The following MAP2K6 variants were observed in gnomAD, a reference collection of about 807,000 sequenced individuals.
MAP2K6 encodes mitogen-activated protein kinase kinase 6.
In MAP2K6, 16 loss-of-function variants were observed where a neutral mutation model predicts 53.7. That is an observed-to-expected ratio of 0.30 (90% confidence interval 0.20 to 0.45). The LOEUF is 0.45. Among genes scored for constraint, MAP2K6 ranks in the 20% least tolerant of loss-of-function variants. The pLI is 1.00. For synonymous variants in MAP2K6, 132 were observed against 143.1 expected (o/e 0.92, Z 0.55); for missense variants, 204 against 411.9 (o/e 0.50, Z 4.37).
chr17:69,445,890 TC>T (rs1302951446), intron 1 of MAP2K6, among the ~76,000 whole-genome samples: 1 of 152,226 alleles, frequency 6.6e-6, no homozygotes, highest in Non-Finnish European at 1.5e-5. Flanking sequence ...TGTGCAGGTC[TC>T]TTTTTCTTAT....
At chr17:69,460,256 C>A (rs934656215) in intron 1 of MAP2K6, among the ~76,000 whole-genome samples, 1 of 152,046 alleles carries the variant, frequency 6.6e-6, no homozygotes, top group African/African-American at 2.4e-5. Flanking sequence ...GGGAGGGTGT[C>A]ATGAAGGTGG....
chr17:69,466,429 T>C (rs1049466144), intron 1 of MAP2K6, among the ~76,000 whole-genome samples: 1 of 151,782 alleles, frequency 6.6e-6, no homozygotes, highest in Non-Finnish European at 1.5e-5. Flanking sequence ...TGCAAGAGGG[T>C]ATTCTGTATT....
intron 1 of MAP2K6, among the ~76,000 whole-genome samples, chr17:69,490,777 T>G (rs1011916436): frequency 6.6e-6 from 1 of 152,094 alleles, no homozygotes; most frequent in Admixed American, 6.6e-5. Flanking sequence ...TAGGTAGACT[T>G]GTGTCATGGG....
At chr17:69,444,246 G>A (rs528836462) in intron 1 of MAP2K6, among the ~76,000 whole-genome samples, 43 of 152,270 alleles carry the variant, frequency 2.8e-4, no homozygotes, top group African/African-American at 1.0e-3. Flanking sequence ...TGAATGGAAA[G>A]GTTGAATGGA....
intron 1 of MAP2K6, among the ~76,000 whole-genome samples, chr17:69,445,610 A>C (rs1332651985): frequency 6.6e-6 from 1 of 152,356 alleles, no homozygotes; most frequent in African/African-American, 2.4e-5. Flanking sequence ...CATGACTACC[A>C]GTTGGTGAAC....
At chr17:69,452,516 C>T (rs188093244) in intron 1 of MAP2K6, among the ~76,000 whole-genome samples, 2 of 152,130 alleles carry the variant, frequency 1.3e-5, no homozygotes, top group Non-Finnish European at 2.9e-5. Context: ...AAAGCCCTAC[C>T]TGCCTCATAG....
intron 1 of MAP2K6, among the ~76,000 whole-genome samples, chr17:69,429,704 G>A (rs1906396132): frequency 6.6e-6 from 1 of 152,198 alleles, no homozygotes; most frequent in Admixed American, 6.5e-5. Flanking sequence ...AGGGCACTAA[G>A]GAAAGAAATT....
In MAP2K6 at chr17:69,541,689, T is replaced by C. The variant is rs1394858277; in HGVS notation, c.941T>C (p.Phe314Ser). ...TYPELMQHPF[F>S]TLHESKGTDV... ...TTTCTTTTCCAGCAACATCCATTTT[T>C]CACCCTACATGAATCCAAAGGAACA... The change falls in exon 12 of 12, where the codon TTC (phenylalanine) becomes TCC (serine). Residue 314 changes from phenylalanine to serine, a missense_variant. Around this residue, in one of 3 missense-constraint regions of MAP2K6, gnomAD observed 47 missense variants for 62.3 expected, o/e 0.75. Transcript: ENST00000590474. 2.5e-6 allele frequency: 4 copies of C among 1,612,258 alleles called. No individual in the cohort carries two copies. Among genetic ancestry groups the C allele is most frequent in the Non-Finnish European group, 3.4e-6 (4 of 1,178,712 alleles).
intron 1 of MAP2K6, among the ~76,000 whole-genome samples, chr17:69,493,307 T>TTGTGTGTG (rs3216905): frequency 1.5e-4 from 23 of 150,362 alleles, no homozygotes; most frequent in Admixed American, 7.3e-4. Context: ...GTGTATGTGT[T>TTGTGTGTG]TGTGTGTGTG....
chr17:69,517,474 T>G (rs765857837), intron 3 of MAP2K6, 26 bp from the exon 4 acceptor site: 3 of 1,326,108 alleles, frequency 2.3e-6, no homozygotes, highest in South Asian at 2.6e-5. Context: ...TCTTTCCCAT[T>G]GCATTATTCC....
chr17:69,532,944 T>G (rs1022106168), intron 10 of MAP2K6, among the ~76,000 whole-genome samples: 2 of 152,152 alleles, frequency 1.3e-5, no homozygotes, highest in African/African-American at 4.8e-5. Flanking sequence ...TTTTTTTTCT[T>G]TTTTGATACA....
intron 1 of MAP2K6, among the ~76,000 whole-genome samples, chr17:69,442,193 C>T (rs1453907149): frequency 2.6e-5 from 4 of 152,236 alleles, no homozygotes; most frequent in Admixed American, 2.6e-4. Context: ...TTGATTATTC[C>T]TTCTGTTACC....
At chr17:69,444,073 A>T (rs540977922) in intron 1 of MAP2K6, among the ~76,000 whole-genome samples, 1 of 152,216 alleles carries the variant, frequency 6.6e-6, no homozygotes, top group East Asian at 1.9e-4. Context: ...TTCTTCTAAC[A>T]TCCCATTCTG....
At chr17:69,497,081 CA>C (rs1456881089) in intron 1 of MAP2K6, among the ~76,000 whole-genome samples, 2 of 152,188 alleles carry the variant, frequency 1.3e-5, no homozygotes, top group East Asian at 3.9e-4. Context: ...TTTGCCTCTG[CA>C]AAATTCAAGC....
At chr17:69,517,388 TG>T in intron 3 of MAP2K6, 111 bp from the exon 4 acceptor site, 1 of 542,652 alleles carries the variant, frequency 1.8e-6, no homozygotes, top group Non-Finnish European at 3.1e-6. Flanking sequence ...GAAAATCTTC[TG>T]GCCCAGAAAT....
At chr17:69,479,129 C>T (rs2145189661) in intron 1 of MAP2K6, among the ~76,000 whole-genome samples, 1 of 152,198 alleles carries the variant, frequency 6.6e-6, no homozygotes, top group Middle Eastern at 3.4e-3. Context: ...TGTGGTGTGA[C>T]CGGTGATCAC....
chr17:69,491,048 T>C (rs1472601351), intron 1 of MAP2K6, among the ~76,000 whole-genome samples: 1 of 152,092 alleles, frequency 6.6e-6, no homozygotes, highest in East Asian at 1.9e-4. Flanking sequence ...AAGGATGTGA[T>C]CTCGTTCTTT....
At chr17:69,471,941 G>T (rs1254639755) in intron 1 of MAP2K6, among the ~76,000 whole-genome samples, 1 of 152,176 alleles carries the variant, frequency 6.6e-6, no homozygotes, top group Non-Finnish European at 1.5e-5. Flanking sequence ...TCTAGAAGCT[G>T]CAGTATCTAG....
rs962733556 is a variant in MAP2K6, at chr17:69,545,368, A to G, written c.*3615A>G. Reference sequence around the variant, plus strand: ...AGGTCCTGATGTGGGGGAATAATCTATTTTTTCTAAAGACTGTGTTTGGTC... The same window carrying G: ...AGGTCCTGATGTGGGGGAATAATCTGTTTTTTCTAAAGACTGTGTTTGGTC... On this transcript the variant is annotated 3_prime_UTR_variant, in exon 12 of 12. Transcript: ENST00000590474. 1.3e-5 allele frequency: 2 copies of G among 152,142 alleles called. No homozygotes were observed. Among genetic ancestry groups the G allele is most frequent in the African/African-American group, 4.8e-5 (2 of 41,416 alleles). 9.4% of individuals were successfully genotyped at this position (152,142 alleles called of 1,614,324 possible). A position where few individuals can be genotyped will look rare whatever the true frequency, so the allele number is the denominator to read the frequency against.
Sources: gnomAD v4.1 joint callset for allele counts (sites outside exome capture counted in the v4.1 genomes callset) on GRCh38, gnomAD v4.1.1 for gene constraint, gnomAD v4.1.1 regional missense constraint, MANE v1.5 for transcripts, NCBI Gene and HGNC (gene_info 2026-07-23, HGNC 2026-07-21) for gene names.